Variants in KIAA1671 observed in about 807,000 individuals in gnomAD.
KIAA1671 encodes KIAA1671, also known as uncharacterized protein KIAA1671.
A neutral mutation model predicts 131.2 loss-of-function variants in KIAA1671; 52 were observed. The ratio of observed to expected loss-of-function variants is 0.40; its 90% CI spans 0.32 to 0.50. The LOEUF (loss-of-function observed/expected upper bound fraction) is 0.50. KIAA1671 is among the 20% of genes least tolerant of loss of function. The pLI is 0.73. For synonymous variants in KIAA1671, 1,003 were observed against 961.6 expected, an observed-to-expected ratio of 1.04 and a Z score of -0.80; for missense variants, 2,360 against 2,364.2, an observed-to-expected ratio of 1.00 and a Z score of 0.04.
intron 6 of KIAA1671, among the ~76,000 whole-genome samples, chr22:25,128,590 T>G (rs1189631373): frequency 1.3e-5 from 2 of 152,208 alleles, no homozygotes; most frequent in African/African-American, 4.8e-5. Flanking sequence ...GGTCAGTCCT[T>G]GTCCTGACCA....
Position 25,181,838 on chromosome 22 carries a change from AC to A in KIAA1671, c.5199+17del. 6.5e-7 allele frequency: 1 copy of A among 1,549,268 alleles called. No homozygotes were observed. Among genetic ancestry groups the A allele is most frequent in the African/African-American group, 1.4e-5 (1 of 73,100 alleles). ...CAGTGCTAAAGGTACCAGACCTCTC[AC>A]CAAGAGTCACCTGGTGGGCATGATC... On this transcript the variant is annotated intron_variant, in intron 10 of 12. Coordinates refer to ENST00000358431, the MANE Select transcript of KIAA1671 (RefSeq NM_001145206.2).
In KIAA1671 at chr22:24,959,009, GA is replaced by G. The variant is rs199850770; in HGVS notation, c.-208+6245del. 7.5e-3 allele frequency among the ~76,000 whole-genome samples: 1,091 copies of G among 145,868 alleles called. 18 individuals are homozygous for G. In the East Asian group the frequency reaches 0.076, roughly 10 times the overall value. On this transcript the variant is annotated intron_variant, in intron 1 of 12. Coordinates refer to ENST00000358431, the MANE Select transcript of KIAA1671 (RefSeq NM_001145206.2). ...AAAAAAAAAAAAAAAGAAAAGAAAA[GA>G]AAAAAAATTAGCCTGGCAGTGTGTC...
rs549590398 is a variant in KIAA1671, at chr22:25,082,775, G to C, written c.4530+33411G>C. Among the ~76,000 whole-genome samples the C allele has an allele frequency of 3.9e-5, 6 of 152,318 alleles. No individual in the cohort carries two copies. In the South Asian group the frequency reaches 8.3e-4, roughly 21 times the overall value. On this transcript the variant is annotated intron_variant, in intron 6 of 12. Transcript: ENST00000358431. The stretch of plus-strand genomic sequence containing the variant: ...TTGAACCCAGGAGTTGGAGGCTGTA[G>C]TGAGCTATGGTTGTGCCACTGCACT...
intron 6 of KIAA1671, among the ~76,000 whole-genome samples, chr22:25,152,982 C>G (rs1198146500): frequency 2.0e-5 from 3 of 152,004 alleles, no homozygotes; most frequent in African/African-American, 7.2e-5. Context: ...GAAATATTAA[C>G]ATGTTTGCTT....
At chr22:24,976,741 C>T (rs1173402413) in intron 1 of KIAA1671, among the ~76,000 whole-genome samples, 1 of 152,218 alleles carries the variant, frequency 6.6e-6, no homozygotes, top group African/African-American at 2.4e-5. Flanking sequence ...GGGGACCTAC[C>T]TCTGGCTGGG....
At chr22:25,169,900 A>G (rs1244094484) in intron 6 of KIAA1671, among the ~76,000 whole-genome samples, 2 of 152,014 alleles carry the variant, frequency 1.3e-5, no homozygotes, top group African/African-American at 2.4e-5. Flanking sequence ...TTTACTGGCT[A>G]TTTGATTTGG....
At chr22:25,017,756 C>G (rs1163600317) in intron 1 of KIAA1671, among the ~76,000 whole-genome samples, 2 of 152,090 alleles carry the variant, frequency 1.3e-5, no homozygotes, top group Non-Finnish European at 2.9e-5. Context: ...GTGGGATCAC[C>G]CTGACTAAAA....
chr22:24,967,406 A>G (rs1569194063), intron 1 of KIAA1671, among the ~76,000 whole-genome samples: 2 of 152,216 alleles, frequency 1.3e-5, no homozygotes, highest in Non-Finnish European at 2.9e-5. Flanking sequence ...TTCCTCCTGC[A>G]AAGCTCTGAC....
chr22:25,085,227 C>T (rs1929641951), intron 6 of KIAA1671, among the ~76,000 whole-genome samples: 1 of 152,230 alleles, frequency 6.6e-6, no homozygotes, highest in Non-Finnish European at 1.5e-5. Context: ...TCTCAGTCCT[C>T]TCAGCAGCCG....
intron 1 of KIAA1671, among the ~76,000 whole-genome samples, chr22:25,018,407 T>C (rs1411675473): frequency 1.3e-5 from 2 of 152,066 alleles, no homozygotes; most frequent in South Asian, 2.1e-4. Flanking sequence ...TGCAGTAAAA[T>C]GTCCATCACC....
At chr22:24,973,980 C>G (rs576960551) in intron 1 of KIAA1671, among the ~76,000 whole-genome samples, 1 of 152,150 alleles carries the variant, frequency 6.6e-6, no homozygotes, top group East Asian at 1.9e-4. Context: ...CCGGGCCTGG[C>G]TCTGCCCACC....
At position 24,975,926 on chromosome 22, in the gene KIAA1671, G is replaced by A. The variant is rs546756027; in HGVS notation, c.-208+23154G>A. Among the ~76,000 whole-genome samples the A allele has an allele frequency of 2.0e-5, 3 of 152,300 alleles. No homozygotes were observed. The South Asian group carries it at 6.2e-4, about 32-fold the overall frequency. ...AGAGCTTTGGTTAATTTGTCCAGCA[G>A]CAGAGATGGGTTTCCCCGCACCATC... On this transcript the variant is annotated intron_variant, in intron 1 of 12. Transcript: ENST00000358431.
At chr22:25,188,950 G>T (rs565127883) in intron 11 of KIAA1671, among the ~76,000 whole-genome samples, 35 of 152,148 alleles carry the variant, frequency 2.3e-4, no homozygotes, top group African/African-American at 6.5e-4. Context: ...ATATAGATAT[G>T]TATGCACATG....
intron 6 of KIAA1671, among the ~76,000 whole-genome samples, chr22:25,131,930 G>A (rs1007338208): frequency 2.6e-5 from 4 of 152,210 alleles, no homozygotes; most frequent in African/African-American, 9.7e-5. Flanking sequence ...GAGTTGATGG[G>A]TGTGAAACTC....
intron 1 of KIAA1671, among the ~76,000 whole-genome samples, chr22:24,978,676 CTTTTGTTTTGTTTTG>C (rs377292242): frequency 9.7e-4 from 147 of 152,006 alleles, no homozygotes; most frequent in African/African-American, 3.2e-3. Context: ...CCATCTTAAT[CTTTTGTTTTGTTTTG>C]TTTTGTTTTG....
At chr22:25,188,938 G>A (rs1013143011) in intron 11 of KIAA1671, among the ~76,000 whole-genome samples, 39 of 152,014 alleles carry the variant, frequency 2.6e-4, no homozygotes, top group African/African-American at 8.9e-4. Flanking sequence ...ATACATGTAC[G>A]TATATAGATA....
chr22:25,138,860 C>T (rs1020790840), intron 6 of KIAA1671, among the ~76,000 whole-genome samples: 1 of 152,160 alleles, frequency 6.6e-6, no homozygotes. Context: ...CAACATTTAT[C>T]GAGTGTCTGC....
At chr22:25,062,189 TCTC>T (rs1471245594) in intron 6 of KIAA1671, 1 of 152,648 alleles carries the variant, frequency 6.6e-6, no homozygotes, top group Non-Finnish European at 1.5e-5. Context: ...ACTGGGCCCA[TCTC>T]CTCTTCCTCC....
At chr22:25,094,685 T>A (rs1232971545) in intron 6 of KIAA1671, among the ~76,000 whole-genome samples, 1 of 152,114 alleles carries the variant, frequency 6.6e-6, no homozygotes, top group Non-Finnish European at 1.5e-5. Context: ...AGAAAATATG[T>A]CATGTGCCTT....
Sources: gnomAD v4.1 joint callset for allele counts (sites outside exome capture counted in the v4.1 genomes callset) on GRCh38, gnomAD v4.1.1 for gene constraint, MANE v1.5 for transcripts, NCBI Gene and HGNC (gene_info 2026-07-23, HGNC 2026-07-21) for gene names.